Variants in SMYD3 observed in about 807,000 individuals in gnomAD.
SMYD3 encodes the protein SET and MYND domain containing 3.
SMYD3 carries 36 observed loss-of-function variants against 57.7 expected under a neutral mutation model. The ratio of observed to expected loss-of-function variants is 0.62; its 90% CI spans 0.48 to 0.82. The LOEUF (loss-of-function observed/expected upper bound fraction) is 0.82, where lower values mean the gene tolerates loss of function less well. SMYD3 is among the 40% of genes least tolerant of loss of function. SMYD3 has a pLI of 0.00. For synonymous variants in SMYD3, 211 were observed against 195.0 expected, an observed-to-expected ratio of 1.08 and a Z score of -0.68; for missense variants, 515 against 538.8, an observed-to-expected ratio of 0.96 and a Z score of 0.44.
In SMYD3 at chr1:246,427,953, C is replaced by A. The variant is rs181387792; in HGVS notation, c.165-72859G>T. On this transcript the variant is annotated intron_variant, in intron 1 of 11. Coordinates refer to ENST00000490107, the MANE Select transcript of SMYD3 (RefSeq NM_001167740.2). ...ATCCTTAACTTATTACAGAGGAATT[C>A]CAAATACAGACATGAAAATGGGGGA... Among the ~76,000 whole-genome samples, 786 of 152,184 alleles carry A rather than the reference C, an allele frequency of 5.2e-3. 3 individuals are homozygous for A. Among genetic ancestry groups the A allele is most frequent in the Non-Finnish European group, 8.6e-3 (583 of 67,994 alleles).
At chr1:246,393,697 A>G (rs1168064852) in intron 1 of SMYD3, among the ~76,000 whole-genome samples, 1 of 150,846 alleles carries the variant, frequency 6.6e-6, no homozygotes, top group Non-Finnish European at 1.5e-5. Flanking sequence ...AAAAAAAAAA[A>G]AAAATTTAAT....
intron 8 of SMYD3, among the ~76,000 whole-genome samples, chr1:245,889,722 G>C (rs2053275145): frequency 6.6e-6 from 1 of 152,094 alleles, no homozygotes; most frequent in South Asian, 2.1e-4. Context: ...ATTCTTCACA[G>C]AAACAGAAAA....
intron 11 of SMYD3, among the ~76,000 whole-genome samples, chr1:245,763,690 G>A (rs2045953124): frequency 6.6e-6 from 1 of 152,200 alleles, no homozygotes; most frequent in African/African-American, 2.4e-5. Context: ...GGGCAATGGG[G>A]AGGAGGCACA....
chr1:245,818,226 G>A (rs1021228453), intron 10 of SMYD3, among the ~76,000 whole-genome samples: 2 of 152,198 alleles, frequency 1.3e-5, no homozygotes, highest in African/African-American at 2.4e-5. Context: ...AGCCAGAAGA[G>A]AGTGGGGAGC....
At chr1:245,838,464 G>A (rs576691469) in intron 10 of SMYD3, among the ~76,000 whole-genome samples, 26 of 152,374 alleles carry the variant, frequency 1.7e-4, no homozygotes, top group Non-Finnish European at 3.4e-4. Context: ...CTAGATGTGT[G>A]GCTTTGGGTG....
intron 1 of SMYD3, among the ~76,000 whole-genome samples, chr1:246,497,165 A>AT (rs1198394220): frequency 6.6e-6 from 1 of 152,178 alleles, no homozygotes; most frequent in African/African-American, 2.4e-5. Context: ...AACAAGCACA[A>AT]TTTTCCCTCC....
At chr1:245,966,313 G>A (rs1040250597) in intron 5 of SMYD3, among the ~76,000 whole-genome samples, 12 of 151,872 alleles carry the variant, frequency 7.9e-5, no homozygotes, top group Non-Finnish European at 1.2e-4. Flanking sequence ...AACTACAGAC[G>A]CCTGCCACTA....
At chr1:246,222,254 T>C (rs139000194) in intron 5 of SMYD3, among the ~76,000 whole-genome samples, 72 of 152,272 alleles carry the variant, frequency 4.7e-4, no homozygotes, top group Non-Finnish European at 6.6e-4. Context: ...ACTGGAAATT[T>C]GTATAGGTAT....
chr1:245,810,504 C>T (rs917428735), intron 10 of SMYD3, among the ~76,000 whole-genome samples: 10 of 152,220 alleles, frequency 6.6e-5, no homozygotes, highest in Admixed American at 2.6e-4. Flanking sequence ...AGCCAGTCGA[C>T]AGCACCTACT....
rs374657570 is a variant in SMYD3 at position 246,374,821 on chromosome 1, C to T, written c.165-19727G>A. Among the ~76,000 whole-genome samples, 217 of 150,510 alleles carry T rather than the reference C, an allele frequency of 1.4e-3. 2 individuals carry two copies. The highest frequency in any genetic ancestry group is 5.0e-3 in the African/African-American group (206 of 40,802). ...AACCCCATCTCTACTGGCCAGGCGC[C>T]GTGGCTCACGTCTGTTATCCCAGCA... On this transcript the variant is annotated intron_variant, in intron 1 of 11. Transcript: ENST00000490107.
chr1:245,831,148 C>T (rs2049809369), intron 10 of SMYD3, among the ~76,000 whole-genome samples: 1 of 152,154 alleles, frequency 6.6e-6, no homozygotes, highest in Non-Finnish European at 1.5e-5. Flanking sequence ...TTAGCAGGGC[C>T]TCACCCTCAG....
At chr1:246,437,645 AAGAT>A (rs2067399639) in intron 1 of SMYD3, among the ~76,000 whole-genome samples, 1 of 152,250 alleles carries the variant, frequency 6.6e-6, no homozygotes, top group Admixed American at 6.5e-5. Flanking sequence ...TGTTTGCTAA[AAGAT>A]AACGCTATGA....
intron 5 of SMYD3, among the ~76,000 whole-genome samples, chr1:246,218,681 GTTGT>G (rs1307720817): frequency 1.1e-4 from 16 of 151,398 alleles, no homozygotes; most frequent in Admixed American, 7.9e-4. Flanking sequence ...TGCTATGCAA[GTTGT>G]TTGTTTACTG....
At chr1:246,290,741 C>T (rs138051444) in intron 5 of SMYD3, among the ~76,000 whole-genome samples, 1,888 of 152,150 alleles carry the variant, frequency 0.012, 15 homozygotes, top group Non-Finnish European at 0.022. Context: ...CTTCACATCC[C>T]ATTTCTTTTA....
intron 1 of SMYD3, among the ~76,000 whole-genome samples, chr1:246,479,502 ATTTT>A (rs35818746): frequency 1.2e-3 from 127 of 107,604 alleles, no homozygotes; most frequent in African/African-American, 4.2e-3. Context: ...AAAAAGCGGG[ATTTT>A]TTTTTTTTTT....
At chr1:246,162,181 A>T (rs943029174) in intron 5 of SMYD3, among the ~76,000 whole-genome samples, 1 of 152,220 alleles carries the variant, frequency 6.6e-6, no homozygotes, top group African/African-American at 2.4e-5. Context: ...GCTATCCCGC[A>T]ATGACCACTA....
chr1:246,373,715 T>A (rs548949980), intron 1 of SMYD3, among the ~76,000 whole-genome samples: 18 of 152,368 alleles, frequency 1.2e-4, no homozygotes, highest in African/African-American at 3.8e-4. Context: ...CTCAACTTCA[T>A]CTGATGGTTC....
chr1:245,999,901 C>T (rs950787435), intron 5 of SMYD3, among the ~76,000 whole-genome samples: 2 of 152,132 alleles, frequency 1.3e-5, no homozygotes, highest in Admixed American at 6.5e-5. Context: ...CTTCATTTAG[C>T]GAGTATGTAA....
intron 5 of SMYD3, among the ~76,000 whole-genome samples, chr1:246,085,269 G>A (rs1275375551): frequency 1.3e-5 from 2 of 152,112 alleles, no homozygotes; most frequent in Non-Finnish European, 2.9e-5. Flanking sequence ...ATCCAGAGGT[G>A]GATGTTTATC....
Sources: allele counts gnomAD v4.1 joint callset (sites outside exome capture counted in the v4.1 genomes callset), GRCh38; gene constraint gnomAD v4.1.1; transcripts MANE v1.5; gene names NCBI Gene and HGNC (gene_info 2026-07-23, HGNC 2026-07-21).